SCN10A: variants seen among roughly 807,000 people sequenced by gnomAD.
SCN10A encodes sodium channel protein type 10 subunit alpha.
SCN10A carries 162 observed loss-of-function variants against 170.7 expected under a neutral mutation model. That is an observed-to-expected ratio of 0.95 (90% confidence interval 0.84 to 1.08). SCN10A has a LOEUF of 1.08. Ranked by LOEUF, SCN10A falls within the 50% of genes least tolerant of loss-of-function variation. SCN10A has a pLI of 0.00. For missense variants in SCN10A, 2,527 were observed against 2,436.9 expected, an observed-to-expected ratio of 1.04 and a Z score of -0.78; for synonymous variants, 985 against 904.6, an observed-to-expected ratio of 1.09 and a Z score of -1.59.
At position 38,742,372 on chromosome 3, in the gene SCN10A, G is replaced by T. The variant is rs371261235; in HGVS notation, c.2025C>A (p.Ile675=). 2 of 1,614,168 alleles carry T rather than the reference G, an allele frequency of 1.2e-6. No individual in the cohort carries two copies. Among genetic ancestry groups the T allele is most frequent in the Non-Finnish European group, 1.7e-6 (2 of 1,180,024 alleles). ...TGGCCATGAAGATGGTGTTCACCAC[G>T]ATGCACAAGGTGATGGTGAGCTCTG... ...PFAELTITLC[I]VVNTIFMAME... Residue 675 remains isoleucine (I), a synonymous_variant, in exon 14 of 28, where the codon ATC becomes ATA. Transcript: ENST00000449082.
chr3:38,771,257 A>ATC, intron 5 of SCN10A, 22 bp downstream of exon 5: 8 of 1,612,742 alleles, frequency 5.0e-6, no homozygotes, highest in Non-Finnish European at 6.8e-6. Flanking sequence ...ACACATGCAG[A>ATC]TCTGCATAGA....
rs151164057 is a variant in SCN10A at position 38,712,149 on chromosome 3, T to C, written c.4089+12A>G. On this transcript the variant is annotated intron_variant, in intron 23 of 27. Transcript: ENST00000449082. ...AAAGCAAGAGATATGGTTGATCTCA[T>C]GGTTGACTCACCACCTGCAGAAGTG... 1 of 1,613,176 alleles carries C rather than the reference T, an allele frequency of 6.2e-7. No homozygotes were observed. Among genetic ancestry groups the C allele is most frequent in the African/African-American group, 1.3e-5 (1 of 75,020 alleles).
At chr3:38,712,511 C>A in intron 22 of SCN10A, 66 bp from the exon 23 acceptor site, 12 of 1,518,514 alleles carry the variant, frequency 7.9e-6, no homozygotes, top group Non-Finnish European at 1.1e-5. Flanking sequence ...GATTCTATCT[C>A]TTTCTATACT....
intron 12 of SCN10A, among the ~76,000 whole-genome samples, chr3:38,750,912 C>G (rs1361075651): frequency 3.3e-5 from 5 of 152,210 alleles, no homozygotes; most frequent in Admixed American, 6.5e-5. Context: ...CTAATGCACT[C>G]CCAGCGAGCC....
chr3:38,702,695 G>A (rs1191943812), intron 26 of SCN10A, among the ~76,000 whole-genome samples: 1 of 152,180 alleles, frequency 6.6e-6, no homozygotes, highest in East Asian at 1.9e-4. Context: ...AAGTGCAAAG[G>A]GGAAACTTAT....
intron 4 of SCN10A, among the ~76,000 whole-genome samples, chr3:38,773,428 A>T (rs1002487391): frequency 1.3e-5 from 2 of 152,226 alleles, no homozygotes; most frequent in Non-Finnish European, 2.9e-5. Context: ...ACAGCTGTGC[A>T]TCAGGCCTAG....
At chr3:38,774,412 A>G (rs1186359331) in intron 4 of SCN10A, among the ~76,000 whole-genome samples, 1 of 152,204 alleles carries the variant, frequency 6.6e-6, no homozygotes, top group Non-Finnish European at 1.5e-5. Flanking sequence ...ATGGAGTTGC[A>G]TCCTCTCTTT....
chr3:38,799,861 A>G (rs570198656), intron 1 of SCN10A, among the ~76,000 whole-genome samples: 3 of 152,252 alleles, frequency 2.0e-5, no homozygotes, highest in South Asian at 4.1e-4. Context: ...TTAACAGTGC[A>G]TGATGATTTT....
intron 4 of SCN10A, among the ~76,000 whole-genome samples, chr3:38,788,131 G>C (rs971257221): frequency 4.2e-5 from 6 of 142,332 alleles, no homozygotes; most frequent in African/African-American, 1.6e-4. Flanking sequence ...CATCAATTAA[G>C]AAGACTATGT....
At position 38,722,386 on chromosome 3, in the gene SCN10A, T is replaced by A. The variant is rs150260693; in HGVS notation, c.3379A>T (p.Lys1127Ter). ...CATGGACTCTTGGTGGTATCCAGTT[T>A]GCAGCAGGGACAGTGGCGAATGCAT... is the stretch of plus-strand genomic sequence containing the variant. ...EGCIRHCPCCKLDTTKSPWDV... is the reference protein window; with the variant it reads ...EGCIRHCPCC The change falls in exon 20 of 28, where the codon AAA becomes TAA. Residue 1127 changes from lysine to a stop codon, truncating the protein, a stop_gained. Transcript: ENST00000449082. LOFTEE classifies it high-confidence loss of function. 1.9e-6 allele frequency: 3 copies of A among 1,613,966 alleles called. No individual in the cohort carries two copies. Among genetic ancestry groups the A allele is most frequent in the Non-Finnish European group, 2.5e-6 (3 of 1,180,000 alleles).
At position 38,701,960 on chromosome 3, in the gene SCN10A, G is replaced by A. The variant is rs757155404; in HGVS notation, c.4536C>T (p.Asn1512=). 1 of 1,614,172 alleles carries A rather than the reference G, an allele frequency of 6.2e-7. No homozygotes were observed. The change falls in exon 27 of 28, where the codon AAC becomes AAT. Residue 1512 remains asparagine (N), a synonymous_variant. Coordinates refer to ENST00000449082, the MANE Select transcript of SCN10A (RefSeq NM_006514.4). The part of the protein sequence containing the change: ...EEKTKILGKI[N]QFFVAVFTGE... ...CTGTGAAGACGGCCACAAAGAACTG[G>A]TTGATTTTGCCCAGAATTTTCGTCT... is the stretch of plus-strand genomic sequence containing the variant.
chr3:38,726,952 A>G lies in SCN10A; in HGVS notation c.2741T>C (p.Leu914Pro), dbSNP rs750925394. Residue 914 changes from leucine (L) to proline (P), a missense_variant, in exon 17 of 28, where the codon CTG becomes CCG. By Grantham distance (98) the Leu-to-Pro change is moderately conservative. Transcript: ENST00000449082. ...ATGGCCAAAGACCTGGATCCGTGCC[A>G]GGGCCACCTGCAGGTTGTTCACCTC... ...DGEVNNLQVA[L>P]ARIQVFGHRT... 1 of 1,614,252 alleles carries G rather than the reference A, an allele frequency of 6.2e-7. No homozygotes were observed. The highest frequency in any genetic ancestry group is 1.1e-5 in the South Asian group (1 of 91,088).
chr3:38,766,406 C>T (rs528301097), intron 5 of SCN10A, among the ~76,000 whole-genome samples: 2 of 152,074 alleles, frequency 1.3e-5, no homozygotes, highest in African/African-American at 2.4e-5. Context: ...TGGAGTATGT[C>T]CCTTCTATGC....
chr3:38,696,837 T>A lies in SCN10A; in HGVS notation c.*512A>T. ...TTAAAAATATTAATTTTAATGGATA[T>A]CTCAAAGGCTTTTCATGACATAGGC... On this transcript the variant is annotated 3_prime_UTR_variant, in exon 28 of 28. Transcript: ENST00000449082. 6.3e-6 allele frequency: 1 copy of A among 159,088 alleles called. No homozygotes were observed. 9.9% of individuals were successfully genotyped at this position (159,088 alleles called of 1,614,324 possible).
intron 1 of SCN10A, among the ~76,000 whole-genome samples, chr3:38,800,485 G>A (rs1485953083): frequency 2.0e-5 from 3 of 152,206 alleles, no homozygotes; most frequent in African/African-American, 4.8e-5. Flanking sequence ...CAAGGTTATA[G>A]AATCTGGTGA....
chr3:38,741,742 G>A (rs150584170), intron 14 of SCN10A, among the ~76,000 whole-genome samples: 221 of 152,238 alleles, frequency 1.5e-3, no homozygotes, highest in African/African-American at 5.1e-3. Flanking sequence ...GAAAAGTTCC[G>A]ACTTCCTGAT....
rs1444054143 is a variant in SCN10A at position 38,752,333 on chromosome 3, G to T, written c.1641C>A (p.Gly547=). The T allele has an allele frequency of 6.2e-7, 1 of 1,613,192 alleles. No individual in the cohort carries two copies. The highest frequency in any genetic ancestry group is 2.2e-5 in the East Asian group (1 of 44,788). The change falls in exon 12 of 28, where the codon GGC becomes GGA. Residue 547 remains glycine, a synonymous_variant. Coordinates refer to ENST00000449082, the MANE Select transcript of SCN10A (RefSeq NM_006514.4). Reference sequence around the variant, plus strand: ...GAGGAAGAGGGCTTCTAGGGAGGGGGCCTTGCTGGCCAGCACCCCCACCCA... The same window carrying T: ...GAGGAAGAGGGCTTCTAGGGAGGGGTCCTTGCTGGCCAGCACCCCCACCCA... ...LLLGGGAGQQ[G]PLPRSPLPQP... is the part of the protein sequence containing the mutation.
chr3:38,747,454 C>T (rs974662634), intron 13 of SCN10A, among the ~76,000 whole-genome samples: 5 of 152,260 alleles, frequency 3.3e-5, no homozygotes, highest in East Asian at 3.9e-4. Context: ...ACATGCCAGT[C>T]GTGGTTCTAA....
At chr3:38,742,218 G>A (rs896695679) in intron 14 of SCN10A, 73 bp downstream of exon 14, 13 of 607,068 alleles carry the variant, frequency 2.1e-5, no homozygotes, top group East Asian at 2.1e-4. Context: ...CACCCCACCC[G>A]AACTGCACCC....
Sources: allele counts gnomAD v4.1 joint callset (sites outside exome capture counted in the v4.1 genomes callset), GRCh38; gene constraint gnomAD v4.1.1; transcripts MANE v1.5; gene names NCBI Gene and HGNC (gene_info 2026-07-23, HGNC 2026-07-21).